The following DNM3 variants were observed in gnomAD, a reference collection of about 807,000 sequenced individuals.
DNM3 encodes dynamin-3.
Under a neutral mutation model 101.6 loss-of-function variants are expected in DNM3, and 47 were observed. That is an observed-to-expected ratio of 0.46 (90% CI 0.37 to 0.59). DNM3 has a LOEUF of 0.59. DNM3 is among the 20% of genes least tolerant of loss of function. DNM3 has a pLI of 0.00. For synonymous variants in DNM3, 385 were observed against 387.9 expected (o/e 0.99, Z 0.09); for missense variants, 849 against 1,085.7 (o/e 0.78, Z 3.06).
intron 4 of DNM3, among the ~76,000 whole-genome samples, chr1:172,013,569 A>G (rs2047260231): frequency 6.6e-6 from 1 of 152,086 alleles, no homozygotes; most frequent in South Asian, 2.1e-4. Flanking sequence ...TATAAGAACT[A>G]TGATTTCAGT....
chr1:172,253,500 C>T (rs962126166), intron 14 of DNM3, 73 bp from the exon 15 acceptor site: 1 of 146,564 alleles, frequency 6.8e-6, no homozygotes, highest in African/African-American at 5.2e-5. Flanking sequence ...CTCTCCTCTC[C>T]TCTCCTCTCC....
intron 17 of DNM3, among the ~76,000 whole-genome samples, chr1:172,345,197 G>A (rs905554129): frequency 2.3e-4 from 35 of 152,194 alleles, no homozygotes; most frequent in African/African-American, 8.4e-4. Context: ...AACCCTAACA[G>A]TTAGTTGAGA....
chr1:172,061,445 AC>A (rs1281688845), intron 10 of DNM3, among the ~76,000 whole-genome samples: 1 of 150,766 alleles, frequency 6.6e-6, no homozygotes, highest in Non-Finnish European at 1.5e-5. Context: ...CTTGAAACCA[AC>A]CCAAATGTCC....
At chr1:172,015,124 T>A (rs1371952482) in intron 4 of DNM3, among the ~76,000 whole-genome samples, 1 of 152,192 alleles carries the variant, frequency 6.6e-6, no homozygotes, top group Non-Finnish European at 1.5e-5. Flanking sequence ...TATTTTATTG[T>A]TTTACATGTC....
At chr1:172,261,888 T>C (rs1422092301) in intron 15 of DNM3, among the ~76,000 whole-genome samples, 1 of 152,104 alleles carries the variant, frequency 6.6e-6, no homozygotes, top group African/African-American at 2.4e-5. Flanking sequence ...CCCTGGAAAG[T>C]ACATGCAGGT....
intron 15 of DNM3, among the ~76,000 whole-genome samples, chr1:172,262,679 A>G (rs2148717544): frequency 6.6e-6 from 1 of 151,922 alleles, no homozygotes; most frequent in South Asian, 2.1e-4. Flanking sequence ...ATGATTATCC[A>G]CTCATTATTT....
rs140496182 is a variant in DNM3 at position 171,887,634 on chromosome 1, GTTTAC to G, written c.162-34110_162-34106del. On this transcript the variant is annotated intron_variant, in intron 1 of 20. Coordinates refer to ENST00000627582, the MANE Select transcript of DNM3 (RefSeq NM_015569.5). Reference sequence around the variant, plus strand: ...ACCTTTAATTAATTTATTTTTTTTTGTTTACTTTGTTGACTGGATAAAATTCTTTC... The same window carrying G: ...ACCTTTAATTAATTTATTTTTTTTTGTTTGTTGACTGGATAAAATTCTTTC... Among the ~76,000 whole-genome samples the G allele has an allele frequency of 3.0e-3, 458 of 150,362 alleles. 4 individuals carry two copies. Among genetic ancestry groups the G allele is most frequent in the African/African-American group, 0.01 (419 of 40,998 alleles).
chr1:172,322,601 A>G (rs2065770072), intron 16 of DNM3, among the ~76,000 whole-genome samples: 1 of 152,208 alleles, frequency 6.6e-6, no homozygotes, highest in Admixed American at 6.5e-5. Flanking sequence ...TTTAGAAATG[A>G]CTACATTTTT....
At chr1:172,104,148 G>A (rs7529234) in intron 13 of DNM3, among the ~76,000 whole-genome samples, 88,659 of 151,998 alleles carry the variant, frequency 0.58, 26,324 homozygotes, top group African/African-American at 0.68. Flanking sequence ...AATAGTCTGG[G>A]TATTAGTTTT....
intron 2 of DNM3, among the ~76,000 whole-genome samples, chr1:171,925,056 C>T (rs751450221): frequency 4.0e-5 from 6 of 151,454 alleles, no homozygotes; most frequent in African/African-American, 7.3e-5. Context: ...CCCACCACCA[C>T]GCCCGGCTAA....
chr1:172,183,484 C>T (rs2059415562), intron 14 of DNM3, among the ~76,000 whole-genome samples: 1 of 152,106 alleles, frequency 6.6e-6, no homozygotes, highest in Non-Finnish European at 1.5e-5. Context: ...AACCCAAATA[C>T]ACTGAAACAT....
At chr1:171,978,074 CATTT>C (rs1278038761) in intron 2 of DNM3, among the ~76,000 whole-genome samples, 1 of 152,166 alleles carries the variant, frequency 6.6e-6, no homozygotes, top group Non-Finnish European at 1.5e-5. Flanking sequence ...TCTACTCATT[CATTT>C]ATTTATTCAT....
At chr1:172,294,035 T>C (rs57725120) in intron 15 of DNM3, among the ~76,000 whole-genome samples, 6,508 of 152,254 alleles carry the variant, frequency 0.043, 441 homozygotes, top group African/African-American at 0.14. Flanking sequence ...ATTCATACTG[T>C]GCAGTGGGAA....
At chr1:172,096,166 C>T (rs1426125025) in intron 13 of DNM3, among the ~76,000 whole-genome samples, 1 of 152,192 alleles carries the variant, frequency 6.6e-6, no homozygotes, top group Non-Finnish European at 1.5e-5. Flanking sequence ...TTTAAAGTCA[C>T]CCTCCCTTCC....
chr1:172,316,767 TA>T (rs2065383817), intron 16 of DNM3, among the ~76,000 whole-genome samples: 2 of 152,166 alleles, frequency 1.3e-5, no homozygotes, highest in South Asian at 4.2e-4. Flanking sequence ...CAAAGAGACT[TA>T]GACTCCCACA....
chr1:172,411,244 A>T lies in DNM3; in HGVS notation c.*3403A>T, dbSNP rs575166808. ...GTAACAATAGTTCATTTCTCATAAC[A>T]TATATGAGGTATACAAAATTTTCTA... On this transcript the variant is annotated 3_prime_UTR_variant, in exon 21 of 21. Transcript: ENST00000627582. The T allele has an allele frequency of 9.1e-6, 9 of 984,722 alleles. No homozygotes were observed. The African/African-American group carries it at 1.4e-4, about 15-fold the overall frequency. 61.0% of individuals were successfully genotyped at this position (984,722 alleles called of 1,614,324 possible).
chr1:172,359,531 GA>G (rs750420607), intron 17 of DNM3, among the ~76,000 whole-genome samples: 1 of 151,486 alleles, frequency 6.6e-6, no homozygotes, highest in Non-Finnish European at 1.5e-5. Flanking sequence ...TTGGAGTAGG[GA>G]GTAATAACCA....
chr1:172,363,606 T>A (rs2067858497), intron 17 of DNM3, among the ~76,000 whole-genome samples: 1 of 151,846 alleles, frequency 6.6e-6, no homozygotes, highest in Non-Finnish European at 1.5e-5. Flanking sequence ...ATCTCCCTGC[T>A]TCCAGTCTCA....
At chr1:172,358,235 C>G (rs748270493) in intron 17 of DNM3, among the ~76,000 whole-genome samples, 1 of 151,906 alleles carries the variant, frequency 6.6e-6, no homozygotes, top group African/African-American at 2.4e-5. Context: ...CTAACTTGTG[C>G]AAGAATGTGC....
Sources: gnomAD v4.1 joint callset for allele counts (sites outside exome capture counted in the v4.1 genomes callset) on GRCh38, gnomAD v4.1.1 for gene constraint, MANE v1.5 for transcripts, NCBI Gene and HGNC (gene_info 2026-07-23, HGNC 2026-07-21) for gene names.